PDE10A: variants seen among roughly 807,000 people sequenced by gnomAD.
The protein encoded by PDE10A is cAMP and cAMP-inhibited cGMP 3',5'-cyclic phosphodiesterase 10A.
Under a neutral mutation model 97.7 loss-of-function variants are expected in PDE10A, and 39 were observed. The ratio of observed to expected loss-of-function variants is 0.40; its 90% confidence interval spans 0.31 to 0.52. PDE10A has a LOEUF of 0.52. PDE10A is among the 20% of genes least tolerant of loss of function. The pLI is 0.56. For synonymous variants in PDE10A, 371 were observed against 376.8 expected, an observed-to-expected ratio of 0.98 and a Z score of 0.18; for missense variants, 731 against 1,047.8, an observed-to-expected ratio of 0.70 and a Z score of 4.17.
At chr6:165,374,613 C>T (rs1784493184) in intron 18 of PDE10A, among the ~76,000 whole-genome samples, 1 of 152,052 alleles carries the variant, frequency 6.6e-6, no homozygotes, top group Admixed American at 6.6e-5. Context: ...AAGGTTTTCA[C>T]CTTTATGTTA....
At chr6:165,674,017 C>T (rs1223290725) in intron 1 of PDE10A, among the ~76,000 whole-genome samples, 1 of 151,950 alleles carries the variant, frequency 6.6e-6, no homozygotes, top group Non-Finnish European at 1.5e-5. Context: ...TAGATATGAT[C>T]GATCATATTT....
At chr6:165,505,165 T>C (rs984562506) in intron 2 of PDE10A, among the ~76,000 whole-genome samples, 1 of 152,212 alleles carries the variant, frequency 6.6e-6, no homozygotes, top group Admixed American at 6.5e-5. Context: ...CTACCTTCCA[T>C]TGTTTTCTAT....
At chr6:165,683,307 A>G (rs184653293) in intron 1 of PDE10A, among the ~76,000 whole-genome samples, 9 of 152,320 alleles carry the variant, frequency 5.9e-5, no homozygotes, top group African/African-American at 1.9e-4. Context: ...CATCAGAGAC[A>G]TGGGCTTCCA....
At chr6:165,718,748 C>A (rs1319218350) in intron 1 of PDE10A, among the ~76,000 whole-genome samples, 1 of 152,102 alleles carries the variant, frequency 6.6e-6, no homozygotes, top group Non-Finnish European at 1.5e-5. Context: ...TCCCTCCACC[C>A]CTCACCATAG....
intron 10 of PDE10A, among the ~76,000 whole-genome samples, chr6:165,425,246 T>C (rs975998303): frequency 4.6e-5 from 7 of 151,934 alleles, no homozygotes. Context: ...AAACTGAAAA[T>C]AAGAAAATGT....
intron 1 of PDE10A, among the ~76,000 whole-genome samples, chr6:165,941,474 A>T (rs767332871): frequency 6.6e-6 from 1 of 152,104 alleles, no homozygotes; most frequent in Non-Finnish European, 1.5e-5. Context: ...CATCATTTGG[A>T]TATTTGTCCC....
intron 1 of PDE10A, among the ~76,000 whole-genome samples, chr6:165,806,306 T>C (rs1442875688): frequency 2.0e-5 from 3 of 152,142 alleles, no homozygotes; most frequent in Non-Finnish European, 4.4e-5. Flanking sequence ...TCACTGTCTA[T>C]TCATGTGGCA....
In PDE10A at chr6:165,814,353, C is replaced by A. The variant is rs746204316; in HGVS notation, c.-615+173176G>T. 2.0e-5 allele frequency among the ~76,000 whole-genome samples: 3 copies of A among 152,200 alleles called. No homozygotes were observed. In the South Asian group the frequency reaches 6.2e-4, roughly 32 times the overall value. ...TAACATGGGGCAAAACGATCCCAGC[C>A]CCTTGCTCCACACAGGGCCATTATG... On this transcript the variant is annotated intron_variant, in intron 1 of 19. Transcript: ENST00000366882.
chr6:165,599,279 C>T (rs1355809899), intron 1 of PDE10A, among the ~76,000 whole-genome samples: 1 of 152,200 alleles, frequency 6.6e-6, no homozygotes, highest in East Asian at 1.9e-4. Flanking sequence ...CGTAAGCCTT[C>T]ACCTTTATAA....
intron 1 of PDE10A, among the ~76,000 whole-genome samples, chr6:165,963,131 AT>A (rs1784407270): frequency 6.6e-6 from 1 of 152,188 alleles, no homozygotes; most frequent in Non-Finnish European, 1.5e-5. Flanking sequence ...TGAAATAAAA[AT>A]TTTTCAAGAC....
chr6:165,371,662 G>C (rs1220494879), intron 18 of PDE10A, among the ~76,000 whole-genome samples: 6 of 152,128 alleles, frequency 3.9e-5, no homozygotes, highest in Non-Finnish European at 8.8e-5. Context: ...GGAGGAACTG[G>C]TACCATTCCT....
intron 1 of PDE10A, among the ~76,000 whole-genome samples, chr6:165,848,388 G>A (rs922966206): frequency 2.6e-5 from 4 of 152,280 alleles, no homozygotes; most frequent in Non-Finnish European, 5.9e-5. Flanking sequence ...CAGAGGAGGC[G>A]TGGAGTGGCT....
chr6:165,332,647 T>C lies in PDE10A; in HGVS notation c.*378A>G, dbSNP rs577481849. ...TTAAAGCCCAAGTACAATACCATAATAGTACCATTTTAAACCCTTATTAGA... is the reference window on the plus strand; with the variant it reads ...TTAAAGCCCAAGTACAATACCATAACAGTACCATTTTAAACCCTTATTAGA... On this transcript the variant is annotated 3_prime_UTR_variant, in exon 22 of 22. Transcript: ENST00000539869. 323 of 200,726 alleles carry C rather than the reference T, an allele frequency of 1.6e-3. 1 individual carries two copies. Among genetic ancestry groups the C allele is most frequent in the African/African-American group, 7.3e-3 (310 of 42,686 alleles). The allele number at this position is 200,726 out of a possible 1,614,324, so 12.4% of individuals were successfully genotyped here.
At chr6:165,846,794 C>G (rs996364765) in intron 1 of PDE10A, among the ~76,000 whole-genome samples, 1 of 152,208 alleles carries the variant, frequency 6.6e-6, no homozygotes, top group Non-Finnish European at 1.5e-5. Context: ...GCCGAGCTAG[C>G]GTCCCTTCCT....
At chr6:165,363,522 G>GA (rs111559450) in intron 18 of PDE10A, among the ~76,000 whole-genome samples, 364 of 140,328 alleles carry the variant, frequency 2.6e-3, no homozygotes, top group African/African-American at 5.5e-3. Context: ...TCTCAAAAAA[G>GA]AAAAAAAAAA....
At chr6:165,676,888 ACG>A (rs937325796) in intron 1 of PDE10A, among the ~76,000 whole-genome samples, 9 of 152,144 alleles carry the variant, frequency 5.9e-5, no homozygotes, top group Admixed American at 2.6e-4. Flanking sequence ...GAAGGACCAC[ACG>A]CACTCACAGC....
intron 1 of PDE10A, among the ~76,000 whole-genome samples, chr6:165,838,324 A>C (rs533220215): frequency 6.6e-6 from 1 of 152,346 alleles, no homozygotes; most frequent in African/African-American, 2.4e-5. Flanking sequence ...GGGTTTTCTA[A>C]GATTTTTTTG....
At position 165,757,207 on chromosome 6, in the gene PDE10A, T is replaced by A. The variant is rs1793137134; in HGVS notation, c.-614-213639A>T. On this transcript the variant is annotated intron_variant, in intron 1 of 19. Coordinates refer to the PDE10A transcript ENST00000366882. ...GTCTCAAACTCCTGACCTCATGATC[T>A]GCCTGCCTCAGACTCCCAAAGTGCT... Among the ~76,000 whole-genome samples the A allele has an allele frequency of 2.0e-5, 3 of 152,158 alleles. No homozygotes were observed. In the South Asian group the frequency reaches 6.2e-4, roughly 31 times the overall value.
intron 1 of PDE10A, among the ~76,000 whole-genome samples, chr6:165,883,548 A>G (rs867593540): frequency 1.3e-5 from 1 of 74,236 alleles, no homozygotes; most frequent in African/African-American, 5.3e-5. Flanking sequence ...TCAAAAAAAA[A>G]AAAAATAAAT....
Sources: gnomAD v4.1 joint callset for allele counts (sites outside exome capture counted in the v4.1 genomes callset) on GRCh38, gnomAD v4.1.1 for gene constraint, MANE v1.5 for transcripts, NCBI Gene and HGNC (gene_info 2026-07-23, HGNC 2026-07-21) for gene names.